Variants in PTPRA observed in about 807,000 individuals in gnomAD.
The protein encoded by PTPRA is receptor-type tyrosine-protein phosphatase alpha.
A neutral mutation model predicts 104.8 loss-of-function variants in PTPRA; 25 were observed. That is an observed-to-expected ratio of 0.24 (90% CI 0.17 to 0.33). The LOEUF is 0.33. Ranked by LOEUF, PTPRA falls within the 10% of genes least tolerant of loss-of-function variation. The probability of loss-of-function intolerance (pLI) is 1.00; values close to 1 mark genes in which losing one functional copy is unlikely to be tolerated. For missense variants in PTPRA, 765 were observed against 1,015.3 expected, an observed-to-expected ratio of 0.75 and a Z score of 3.35; for synonymous variants, 323 against 368.9, an observed-to-expected ratio of 0.88 and a Z score of 1.43.
intron 11 of PTPRA, among the ~76,000 whole-genome samples, chr20:3,014,189 TAAAAA>T (rs1035278154): frequency 4.6e-5 from 7 of 152,218 alleles, no homozygotes; most frequent in African/African-American, 1.4e-4. Context: ...CTCTAATAAA[TAAAAA>T]CATTTGTTGA....
At chr20:2,927,475 C>T (rs187966697) in intron 2 of PTPRA, among the ~76,000 whole-genome samples, 1 of 152,124 alleles carries the variant, frequency 6.6e-6, no homozygotes. Flanking sequence ...ATTATAGTTT[C>T]ACTTTTCACC....
At chr20:2,922,524 G>A (rs545123272) in intron 1 of PTPRA, among the ~76,000 whole-genome samples, 11 of 152,240 alleles carry the variant, frequency 7.2e-5, no homozygotes, top group African/African-American at 2.4e-4. Context: ...ATTTTTGGTA[G>A]AGACGGGGTT....
rs140118359 is a variant in PTPRA, at chr20:2,890,461, G to A, written c.-129+16701G>A. On this transcript the variant is annotated intron_variant, in intron 1 of 23. Coordinates refer to ENST00000399903, the MANE Select transcript of PTPRA (RefSeq NM_001385305.1). Reference sequence around the variant, plus strand: ...GTTTGTTTTAAGCATTAGATAGTGCGTGGTAAATGCTTAGCACAGTTCTTA... The same window carrying A: ...GTTTGTTTTAAGCATTAGATAGTGCATGGTAAATGCTTAGCACAGTTCTTA... Among the ~76,000 whole-genome samples the A allele has an allele frequency of 4.3e-3, 651 of 152,248 alleles. 3 individuals carry two copies. Among genetic ancestry groups the A allele is most frequent in the Non-Finnish European group, 4.2e-3 (284 of 68,016 alleles).
At chr20:2,866,750 A>G in the PTPRA span, 326 of 959,536 alleles carry the variant, frequency 3.4e-4, 2 homozygotes, top group East Asian at 8.5e-3. Flanking sequence ...TGTCTTACAC[A>G]GTCCAGCCTA....
At chr20:2,928,511 C>T (rs956944032) in intron 2 of PTPRA, among the ~76,000 whole-genome samples, 1 of 152,138 alleles carries the variant, frequency 6.6e-6, no homozygotes, top group Non-Finnish European at 1.5e-5. Context: ...AGTCATTGCT[C>T]CATTTCTTCT....
At chr20:2,925,675 A>C (rs940610436) in intron 2 of PTPRA, among the ~76,000 whole-genome samples, 2 of 152,126 alleles carry the variant, frequency 1.3e-5, no homozygotes, top group African/African-American at 4.8e-5. Context: ...TTAGCCAGGC[A>C]TGGTGCTGCA....
chr20:3,018,624 C>T (rs569618623), intron 13 of PTPRA, among the ~76,000 whole-genome samples: 5 of 152,050 alleles, frequency 3.3e-5, no homozygotes, highest in Admixed American at 6.5e-5. Context: ...ATGTCTACTT[C>T]TTTCCACACA....
intron 1 of PTPRA, among the ~76,000 whole-genome samples, chr20:2,894,822 TA>T (rs1262778219): frequency 6.6e-6 from 1 of 151,742 alleles, no homozygotes. Context: ...CCGTCTCTAC[TA>T]AAAATACAAA....
chr20:3,021,122 G>A (rs371804011), intron 13 of PTPRA, among the ~76,000 whole-genome samples, 187 bp from the exon 14 acceptor site: 5 of 152,180 alleles, frequency 3.3e-5, no homozygotes, highest in African/African-American at 1.2e-4. Flanking sequence ...ATAGGATGGC[G>A]GCTAAGGAAC....
At chr20:2,926,467 A>G (rs1216915336) in intron 2 of PTPRA, among the ~76,000 whole-genome samples, 1 of 152,132 alleles carries the variant, frequency 6.6e-6, no homozygotes, top group Admixed American at 6.6e-5. Flanking sequence ...TTTCAAAATA[A>G]GTGCGCTAGT....
chr20:2,964,818 C>T, intron 4 of PTPRA, 43 bp from the exon 5 acceptor site: 2 of 1,514,648 alleles, frequency 1.3e-6, no homozygotes, highest in African/African-American at 1.4e-5. Context: ...TTTTTAGCCT[C>T]ACATTCTTCA....
chr20:3,004,416 A>G (rs1200510590), intron 9 of PTPRA, among the ~76,000 whole-genome samples: 1 of 152,202 alleles, frequency 6.6e-6, no homozygotes, highest in Admixed American at 6.5e-5. Context: ...TTGTGTGATA[A>G]CCTCCCTGCA....
intron 20 of PTPRA, among the ~76,000 whole-genome samples, chr20:3,033,686 G>A (rs1472843820): frequency 2.0e-4 from 31 of 151,990 alleles, no homozygotes; most frequent in African/African-American, 7.0e-4. Context: ...TGGATCACCT[G>A]AGGTCGGGAG....
upstream of PTPRA, among the ~76,000 whole-genome samples, chr20:2,872,969 A>T (rs2089466313): frequency 6.6e-6 from 1 of 152,022 alleles, no homozygotes; most frequent in South Asian, 2.1e-4. This position sits in a 1 kb window ranked among gnomAD's most constrained non-coding sequence, Gnocchi z 7.9. Flanking sequence ...TTGATATAAG[A>T]CGACACCCAC....
At chr20:2,959,202 A>G (rs1051662262) in intron 3 of PTPRA, among the ~76,000 whole-genome samples, 1 of 152,090 alleles carries the variant, frequency 6.6e-6, no homozygotes, top group Non-Finnish European at 1.5e-5. Flanking sequence ...ACGCATACCA[A>G]TTCTCTCCAC....
intron 5 of PTPRA, among the ~76,000 whole-genome samples, chr20:2,972,805 C>T (rs2062247570): frequency 6.6e-6 from 1 of 151,842 alleles, no homozygotes. Flanking sequence ...GCGGCCTGCA[C>T]CTCCTGGGCT....
At chr20:2,943,684 A>G (rs2061014565) in intron 2 of PTPRA, among the ~76,000 whole-genome samples, 1 of 152,164 alleles carries the variant, frequency 6.6e-6, no homozygotes, top group South Asian at 2.1e-4. Flanking sequence ...TTAATCTCCA[A>G]ATAAAGACAG....
At chr20:2,988,979 G>A (rs1337802424) in intron 9 of PTPRA, among the ~76,000 whole-genome samples, 2 of 152,260 alleles carry the variant, frequency 1.3e-5, no homozygotes, top group African/African-American at 2.4e-5. Flanking sequence ...AAAGTAGACA[G>A]TGGGATAGAT....
chr20:3,011,881 T>G (rs1034475865), intron 11 of PTPRA, among the ~76,000 whole-genome samples: 1 of 152,196 alleles, frequency 6.6e-6, no homozygotes, highest in Admixed American at 6.5e-5. Context: ...GTGACTGTCA[T>G]AGTGAAACCT....
Sources: gnomAD v4.1 joint callset for allele counts (sites outside exome capture counted in the v4.1 genomes callset) on GRCh38, gnomAD v4.1.1 for gene constraint, Gnocchi (gnomAD v3.1) non-coding constraint, MANE v1.5 for transcripts, NCBI Gene and HGNC (gene_info 2026-07-23, HGNC 2026-07-21) for gene names.